ADCY9: variants seen among roughly 807,000 people sequenced by gnomAD.
ADCY9 encodes adenylate cyclase 9.
ADCY9 carries 50 observed loss-of-function variants against 101.5 expected under a neutral mutation model. That is an observed-to-expected ratio of 0.49 (90% CI 0.39 to 0.62). The LOEUF (loss-of-function observed/expected upper bound fraction) is 0.62. ADCY9 is among the 20% of genes least tolerant of loss of function. The pLI is 0.00. For missense variants in ADCY9, 1,662 were observed against 1,800.4 expected, an observed-to-expected ratio of 0.92 and a Z score of 1.39; for synonymous variants, 905 against 769.3, an observed-to-expected ratio of 1.18 and a Z score of -2.92.
intron 10 of ADCY9, among the ~76,000 whole-genome samples, chr16:3,974,244 C>A (rs970594173): frequency 1.3e-5 from 2 of 151,824 alleles, no homozygotes; most frequent in African/African-American, 4.8e-5. Flanking sequence ...CGGGGTTTCA[C>A]CGTGTTAGCC....
Position 4,010,724 on chromosome 16 carries a change from G to C in ADCY9, c.1694-3166C>G, listed in dbSNP as rs182532824. The stretch of plus-strand genomic sequence containing the variant: ...CAGGAAGCACAGGAGGGGGCATCTT[G>C]AGAAGCCTCAGGAAGGAAGGGGCTG... On this transcript the variant is annotated intron_variant, in intron 2 of 10. Coordinates refer to ENST00000294016, the MANE Select transcript of ADCY9 (RefSeq NM_001116.4). 2.3e-3 allele frequency among the ~76,000 whole-genome samples: 348 copies of C among 152,272 alleles called. 1 individual carries two copies. The highest frequency in any genetic ancestry group is 7.1e-3 in the Admixed American group (109 of 15,296).
intron 2 of ADCY9, among the ~76,000 whole-genome samples, chr16:4,028,179 A>G (rs1179355045): frequency 6.6e-6 from 1 of 152,206 alleles, no homozygotes; most frequent in African/African-American, 2.4e-5. Context: ...ACCGTATAGC[A>G]AGAGAAAAAA....
At chr16:4,085,100 G>A (rs577793347) in intron 2 of ADCY9, among the ~76,000 whole-genome samples, 35 of 152,250 alleles carry the variant, frequency 2.3e-4, no homozygotes, top group African/African-American at 6.7e-4. Context: ...AGTGGCTCAC[G>A]CCTGTAATCC....
intron 2 of ADCY9, among the ~76,000 whole-genome samples, chr16:4,031,829 A>G (rs2056557318): frequency 6.6e-6 from 1 of 152,048 alleles, no homozygotes; most frequent in East Asian, 1.9e-4. Context: ...GTGAGCCATC[A>G]TCGTGCCACT....
chr16:4,035,496 T>C (rs930754749), intron 2 of ADCY9, among the ~76,000 whole-genome samples: 11 of 152,150 alleles, frequency 7.2e-5, no homozygotes, highest in African/African-American at 2.7e-4. Context: ...CCATACTCAA[T>C]TATACACAAA....
chr16:4,065,984 G>A (rs146216074), intron 2 of ADCY9, among the ~76,000 whole-genome samples: 152 of 152,340 alleles, frequency 1.0e-3, no homozygotes, highest in African/African-American at 3.4e-3. Context: ...GATTACAGGC[G>A]TGAGCCTCCG....
At chr16:3,983,470 C>G (rs773488183) in intron 6 of ADCY9, 30 bp from the exon 7 acceptor site, 2 of 1,571,740 alleles carry the variant, frequency 1.3e-6, no homozygotes, top group Admixed American at 1.8e-5. Context: ...AGCAGAATGA[C>G]TGGGAGGCCA....
At chr16:4,087,543 T>TAAAAAAAAAAAAAAAAA (rs55706713) in intron 2 of ADCY9, among the ~76,000 whole-genome samples, 1 of 118,192 alleles carries the variant, frequency 8.5e-6, no homozygotes, top group Non-Finnish European at 1.8e-5. Context: ...CTCAAAAAGA[T>TAAAAAAAAAAAAAAAAA]AAAAAAAAAA....
At chr16:4,083,032 G>A (rs7192040) in intron 2 of ADCY9, among the ~76,000 whole-genome samples, 73,986 of 151,796 alleles carry the variant, frequency 0.49, 18,060 homozygotes, top group Admixed American at 0.56. Flanking sequence ...CATCTCCCAC[G>A]TGGCAAAGAC....
intron 2 of ADCY9, among the ~76,000 whole-genome samples, chr16:4,081,748 G>C (rs1162011564): frequency 6.8e-6 from 1 of 147,550 alleles, no homozygotes; most frequent in Non-Finnish European, 1.5e-5. Flanking sequence ...AAAAGCAAGA[G>C]AGGGTGTAAC....
rs180720801 is a variant in ADCY9, at chr16:4,072,837, T to C, written c.1693+40913A>G. 4.6e-3 allele frequency among the ~76,000 whole-genome samples: 691 copies of C among 151,730 alleles called. 4 individuals carry two copies. Among genetic ancestry groups the C allele is most frequent in the Non-Finnish European group, 7.2e-3 (492 of 67,902 alleles). On this transcript the variant is annotated intron_variant, in intron 2 of 10. Coordinates refer to ENST00000294016, the MANE Select transcript of ADCY9 (RefSeq NM_001116.4). ...AAGCTGCCGGGGTGACAGTGGGAAT[T>C]GGGAAACATATTACATTCAGAGGAA...
intron 5 of ADCY9, chr16:3,953,640 G>A (rs1215930370): frequency 6.6e-6 from 1 of 152,222 alleles, no homozygotes; most frequent in African/African-American, 2.4e-5. Flanking sequence ...TTTTGGAATG[G>A]ACGGATTCTT....
chr16:4,087,806 ATTTT>A (rs1164712315), intron 2 of ADCY9, among the ~76,000 whole-genome samples: 3 of 148,920 alleles, frequency 2.0e-5, no homozygotes, highest in Non-Finnish European at 4.5e-5. Context: ...GTTACTATTT[ATTTT>A]CTTTCTTTCT....
At chr16:4,094,737 T>C (rs1047810474) in intron 2 of ADCY9, among the ~76,000 whole-genome samples, 1 of 152,058 alleles carries the variant, frequency 6.6e-6, no homozygotes, top group Non-Finnish European at 1.5e-5. Context: ...AGATCACACC[T>C]GGAACACCGC....
chr16:4,108,360 A>ATTTTTT (rs869169536), intron 2 of ADCY9, among the ~76,000 whole-genome samples: 4,267 of 53,896 alleles, frequency 0.079, 832 homozygotes, highest in Non-Finnish European at 0.1. Context: ...CCGTTTCTTC[A>ATTTTTT]TTTTTTTTTT....
chr16:4,036,551 C>T (rs1210541180), intron 2 of ADCY9, among the ~76,000 whole-genome samples: 8 of 150,576 alleles, frequency 5.3e-5, no homozygotes, highest in Non-Finnish European at 1.2e-4. Context: ...CAACCTCCGC[C>T]TCCCAGGTTC....
chr16:3,975,267 G>C (rs532697572), intron 9 of ADCY9, among the ~76,000 whole-genome samples: 24 of 152,288 alleles, frequency 1.6e-4, no homozygotes, highest in African/African-American at 5.5e-4. Context: ...CATACCTTCA[G>C]AAAAATCCAA....
At chr16:4,076,258 T>C (rs1031439952) in intron 2 of ADCY9, among the ~76,000 whole-genome samples, 1 of 152,204 alleles carries the variant, frequency 6.6e-6, no homozygotes. Context: ...GGTTTATGCC[T>C]AGTTGCTAAT....
intron 9 of ADCY9, among the ~76,000 whole-genome samples, chr16:3,975,339 C>T (rs971214079): frequency 6.6e-6 from 1 of 152,058 alleles, no homozygotes; most frequent in African/African-American, 2.4e-5. Flanking sequence ...AATGACAGTC[C>T]TATTTTAAAT....
Sources: allele counts gnomAD v4.1 joint callset (sites outside exome capture counted in the v4.1 genomes callset), GRCh38; gene constraint gnomAD v4.1.1; transcripts MANE v1.5; gene names NCBI Gene and HGNC (gene_info 2026-07-23, HGNC 2026-07-21).